Variants in GPALPP1 observed in about 807,000 individuals in gnomAD.
GPALPP1 encodes GPALPP motifs-containing protein 1.
A neutral mutation model predicts 38.9 loss-of-function variants in GPALPP1; 30 were observed. The ratio of observed to expected loss-of-function variants is 0.77; its 90% CI spans 0.58 to 1.05. GPALPP1 has a LOEUF of 1.05. Among genes scored for constraint, GPALPP1 ranks in the 50% least tolerant of loss-of-function variants. The pLI, the probability that GPALPP1 is intolerant of heterozygous loss-of-function variation, is 0.00. For synonymous variants in GPALPP1, 120 were observed against 139.2 expected, an observed-to-expected ratio of 0.86 and a Z score of 0.97; for missense variants, 384 against 408.8, an observed-to-expected ratio of 0.94 and a Z score of 0.52.
intron 6 of GPALPP1, among the ~76,000 whole-genome samples, chr13:45,018,411 AG>A (rs1875035591): frequency 6.6e-6 from 1 of 150,994 alleles, no homozygotes; most frequent in African/African-American, 2.4e-5. Context: ...AAAAAAAAAA[AG>A]ATTGCTCTTT....
intron 6 of GPALPP1, among the ~76,000 whole-genome samples, chr13:45,019,080 T>G (rs1468380235): frequency 8.1e-6 from 1 of 123,702 alleles, no homozygotes; most frequent in African/African-American, 3.3e-5. Context: ...TATATACATA[T>G]AAATATATGT....
rs1874787331 is a variant in GPALPP1, at chr13:45,015,439, C to T, written c.548C>T (p.Ser183Phe). The change falls in exon 6 of 8, where the codon TCT becomes TTT. Residue 183 changes from serine (S) to phenylalanine (F), a missense_variant. Coordinates refer to ENST00000379151, the MANE Select transcript of GPALPP1 (RefSeq NM_018559.5). The stretch of plus-strand genomic sequence containing the variant: ...TTTTTTTTTCTCTTAAAGGATTCAT[C>T]TAAACCCATTGTAAGAGAGTCATGG... ...EKLTKGDDDS[S>F]KPIVRESWMT... 6 of 1,579,612 alleles carry T rather than the reference C, an allele frequency of 3.8e-6. No homozygotes were observed. Among genetic ancestry groups the T allele is most frequent in the Non-Finnish European group, 5.2e-6 (6 of 1,164,376 alleles).
chr13:45,002,401 A>C (rs1379400460), intron 1 of GPALPP1: 1 of 152,266 alleles, frequency 6.6e-6, no homozygotes, highest in African/African-American at 2.4e-5. Context: ...GCACCTGTGA[A>C]AAGCCACTGC....
At chr13:45,037,023 G>C (rs1876415550) in exon 8 of GPALPP1, 1 of 151,998 alleles carries the variant, frequency 6.6e-6, no homozygotes, top group African/African-American at 2.4e-5. Flanking sequence ...AAGCTACAAG[G>C]GTGCATCATT....
At chr13:45,020,708 G>T (rs780337701) in intron 7 of GPALPP1, among the ~76,000 whole-genome samples, 1 of 147,998 alleles carries the variant, frequency 6.8e-6, no homozygotes, top group African/African-American at 2.5e-5. Context: ...TTAGTTATCT[G>T]TTTATTTTTT....
At chr13:45,035,559 A>T (rs1337494667) in exon 8 of GPALPP1, 1 of 152,180 alleles carries the variant, frequency 6.6e-6, no homozygotes, top group Non-Finnish European at 1.5e-5. Context: ...TCCTGGGCCT[A>T]ATTATTGAGG....
At chr13:45,033,375 T>C (rs572786807), downstream of GPALPP1, 1 of 152,342 alleles carries the variant, frequency 6.6e-6, no homozygotes, top group South Asian at 2.1e-4. Context: ...TTTATTTCGC[T>C]TTGGCTTTTG....
At position 45,015,529 on chromosome 13, in the gene GPALPP1, C is replaced by G. The variant is rs746598000; in HGVS notation, c.638C>G (p.Ala213Gly). ...GLGPRTFKRR[A>G]DDTSGDRSIW... ...GGGCCAAGGACTTTTAAGAGAAGAG[C>G]TGATGACACATCTGGAGATCGATCA... Residue 213 changes from alanine (A) to glycine (G), a missense_variant, in exon 6 of 8, where the codon GCT becomes GGT. Physicochemically the swap from Ala to Gly is moderately conservative, Grantham distance 60 (BLOSUM62 0). Coordinates refer to ENST00000379151, the MANE Select transcript of GPALPP1 (RefSeq NM_018559.5). The G allele has an allele frequency of 2.7e-5, 43 of 1,604,268 alleles. 2 individuals are homozygous for G. The South Asian group carries it at 4.5e-4, about 17-fold the overall frequency.
At chr13:45,015,791 C>G (rs1308653391) in intron 6 of GPALPP1, among the ~76,000 whole-genome samples, 195 bp downstream of exon 6, 2 of 152,058 alleles carry the variant, frequency 1.3e-5, no homozygotes, top group Non-Finnish European at 2.9e-5. Flanking sequence ...TACTATTTCC[C>G]AATAAACGGT....
chr13:44,995,131 C>T (rs1238307687), intron 1 of GPALPP1, among the ~76,000 whole-genome samples: 4 of 150,068 alleles, frequency 2.7e-5, no homozygotes, highest in African/African-American at 7.4e-5. Context: ...GGATTACAGG[C>T]GTGAGCCACT....
At position 45,015,085 on chromosome 13, in the gene GPALPP1, T is replaced by G. The variant is rs773990633; in HGVS notation, c.540+2T>G. The G allele has an allele frequency of 3.8e-6, 6 of 1,582,190 alleles. No homozygotes were observed. The highest frequency in any genetic ancestry group is 5.2e-6 in the Non-Finnish European group (6 of 1,159,566). ...GAAAAACTGACCAAAGGAGATGATG[T>G]AAGTTTTAAAAACACTTTAAGAAAT... On this transcript the variant is annotated splice_donor_variant, in intron 5 of 7. Transcript: ENST00000379151. LOFTEE classifies it high-confidence loss of function.
chr13:45,021,067 ACAGT>A (rs979779678), intron 7 of GPALPP1, among the ~76,000 whole-genome samples: 51 of 152,344 alleles, frequency 3.3e-4, no homozygotes, highest in Middle Eastern at 3.4e-3. Context: ...TATAAACTAA[ACAGT>A]CAGTATTCAT....
At chr13:45,036,539 C>T (rs565447223) in exon 8 of GPALPP1, 1 of 152,318 alleles carries the variant, frequency 6.6e-6, no homozygotes, top group Non-Finnish European at 1.5e-5. Flanking sequence ...TCTTAGATAA[C>T]TGTGCTTTGG....
At chr13:45,012,428 A>G (rs1040784512) in intron 4 of GPALPP1, among the ~76,000 whole-genome samples, 1 of 152,220 alleles carries the variant, frequency 6.6e-6, no homozygotes, top group African/African-American at 2.4e-5. Context: ...TGTGCCACTC[A>G]GTTGGTAAAT....
At chr13:45,020,208 G>C in intron 6 of GPALPP1, 122 bp from the exon 7 acceptor site, 1 of 531,914 alleles carries the variant, frequency 1.9e-6, no homozygotes. Flanking sequence ...TGATCAGAAG[G>C]GATTTCACAA....
intron 7 of GPALPP1, among the ~76,000 whole-genome samples, chr13:45,024,147 CTGTGTGTGTGTGTG>C (rs58048658): frequency 0.026 from 608 of 23,370 alleles, 44 homozygotes; most frequent in Admixed American, 0.036. Context: ...CCCTAAAACT[CTGTGTGTGTGTGTG>C]TGTGTGTGTG....
At chr13:45,015,317 TTTG>T (rs1179211881) in intron 5 of GPALPP1, 112 bp from the exon 6 acceptor site, 2 of 628,730 alleles carry the variant, frequency 3.2e-6, no homozygotes, top group African/African-American at 1.9e-5. Context: ...TATATTAGAG[TTTG>T]TTAAGTAACT....
At chr13:45,004,481 CT>C in intron 2 of GPALPP1, 44 bp downstream of exon 2, 1 of 1,468,724 alleles carries the variant, frequency 6.8e-7, no homozygotes, top group Non-Finnish European at 9.5e-7. Flanking sequence ...AACTTCAGAG[CT>C]AGTATAAGTT....
In GPALPP1 at chr13:45,029,166, G is replaced by A. The variant is rs1384437254; in HGVS notation, c.*1163G>A. ...ATTAAACCTATATCAATATTCAAAT[G>A]TGATTTTTGAGGAAAATATGTTAAA... On this transcript the variant is annotated 3_prime_UTR_variant, in exon 8 of 8. Coordinates refer to ENST00000379151, the MANE Select transcript of GPALPP1 (RefSeq NM_018559.5). The A allele has an allele frequency of 2.6e-5, 4 of 152,138 alleles. No homozygotes were observed. The East Asian group carries it at 7.7e-4, about 29-fold the overall frequency. 9.4% of individuals were successfully genotyped at this position (152,138 alleles called of 1,614,324 possible).
Sources: allele counts gnomAD v4.1 joint callset (sites outside exome capture counted in the v4.1 genomes callset), GRCh38; gene constraint gnomAD v4.1.1; transcripts MANE v1.5; gene names NCBI Gene and HGNC (gene_info 2026-07-23, HGNC 2026-07-21).